The following RPH3AL variants were observed in gnomAD, a reference collection of about 807,000 sequenced individuals.
The protein encoded by RPH3AL is rab effector Noc2.
A neutral mutation model predicts 43.1 loss-of-function variants in RPH3AL; 38 were observed. The observed-to-expected ratio is 0.88, with a 90% CI of 0.68 to 1.15. RPH3AL has a LOEUF of 1.15. Among genes scored for constraint, RPH3AL ranks in the 50% most tolerant of loss-of-function variants. The pLI, the probability that RPH3AL is intolerant of heterozygous loss-of-function variation, is 0.00. For synonymous variants in RPH3AL, 189 were observed against 176.3 expected, an observed-to-expected ratio of 1.07 and a Z score of -0.57; for missense variants, 462 against 423.2, an observed-to-expected ratio of 1.09 and a Z score of -0.81.
At chr17:231,133 T>C (rs2041222101) in intron 7 of RPH3AL, among the ~76,000 whole-genome samples, 1 of 152,230 alleles carries the variant, frequency 6.6e-6, no homozygotes, top group African/African-American at 2.4e-5. Context: ...CTCTCCAGGA[T>C]CTGCCTCTCT....
At chr17:267,803 C>G (rs1438838184) in intron 6 of RPH3AL, among the ~76,000 whole-genome samples, 1 of 150,146 alleles carries the variant, frequency 6.7e-6, no homozygotes, top group Non-Finnish European at 1.5e-5. Context: ...ACAGGTCTCT[C>G]CAAATCACTG....
intron 7 of RPH3AL, among the ~76,000 whole-genome samples, chr17:234,936 T>G (rs2041327405): frequency 6.6e-6 from 1 of 152,128 alleles, no homozygotes; most frequent in Non-Finnish European, 1.5e-5. Flanking sequence ...CATTTTACAA[T>G]CCACAACTGC....
At chr17:214,436 T>C (rs1473502503) in intron 9 of RPH3AL, among the ~76,000 whole-genome samples, 1 of 152,180 alleles carries the variant, frequency 6.6e-6, no homozygotes, top group Non-Finnish European at 1.5e-5. Context: ...GTGAACCATA[T>C]TGAACTGCCG....
chr17:292,050 G>A (rs2043059151), intron 5 of RPH3AL, among the ~76,000 whole-genome samples: 1 of 152,198 alleles, frequency 6.6e-6, no homozygotes, highest in African/African-American at 2.4e-5. Flanking sequence ...CTGGATTTTT[G>A]CAGGTCAGGA....
intron 5 of RPH3AL, among the ~76,000 whole-genome samples, chr17:299,158 A>G (rs1342515728): frequency 6.6e-6 from 1 of 152,138 alleles, no homozygotes. Flanking sequence ...ACTCGTCCAC[A>G]GTCTGGAACC....
intron 6 of RPH3AL, 61 bp downstream of exon 6, chr17:281,707 C>T: frequency 1.3e-6 from 1 of 794,758 alleles, no homozygotes; most frequent in Non-Finnish European, 2.0e-6. Flanking sequence ...GTCCACCCAT[C>T]CCCATCTGAG....
At chr17:284,761 G>T (rs1047310169) in intron 5 of RPH3AL, among the ~76,000 whole-genome samples, 2 of 152,218 alleles carry the variant, frequency 1.3e-5, no homozygotes, top group African/African-American at 4.8e-5. Context: ...TTAGGCTGCT[G>T]TAACAAAAAT....
chr17:279,534 G>C (rs73278924), intron 6 of RPH3AL, among the ~76,000 whole-genome samples: 2,623 of 152,272 alleles, frequency 0.017, 80 homozygotes, highest in African/African-American at 0.06. Context: ...ATTAAGACAG[G>C]CTGGTGGTAG....
intron 5 of RPH3AL, among the ~76,000 whole-genome samples, chr17:315,197 C>A (rs1435605725): frequency 3.7e-5 from 4 of 108,454 alleles, no homozygotes; most frequent in Non-Finnish European, 5.9e-5. Context: ...TCCCTGTGCT[C>A]CACCTCCATT....
chr17:286,369 C>A (rs757629558), intron 5 of RPH3AL, among the ~76,000 whole-genome samples: 1 of 152,164 alleles, frequency 6.6e-6, no homozygotes, highest in Non-Finnish European at 1.5e-5. Context: ...TACCAACCAA[C>A]GCTGGCGGCA....
rs1289968455 is a variant in RPH3AL at position 274,818 on chromosome 17, T to C, written c.438+6950A>G. 1.3e-5 allele frequency among the ~76,000 whole-genome samples: 2 copies of C among 152,150 alleles called. No individual in the cohort carries two copies. The highest frequency in any genetic ancestry group is 2.9e-5 in the Non-Finnish European group (2 of 68,026). Reference sequence around the variant, plus strand: ...GTGTTTAGTGCAGGTGAATGTGGCATGCTAGGGCTCAGGAACATAATTAGA... The same window carrying C: ...GTGTTTAGTGCAGGTGAATGTGGCACGCTAGGGCTCAGGAACATAATTAGA... On this transcript the variant is annotated intron_variant, in intron 6 of 9. Coordinates refer to ENST00000331302, the MANE Select transcript of RPH3AL (RefSeq NM_006987.4). The surrounding 1 kb of genome is among the most constrained non-coding windows in gnomAD (Gnocchi z 4.7).
chr17:269,087 C>T (rs1319740769), intron 6 of RPH3AL, among the ~76,000 whole-genome samples: 6 of 152,096 alleles, frequency 3.9e-5, no homozygotes, highest in Non-Finnish European at 7.4e-5. Flanking sequence ...ACCGTGTTAG[C>T]CAGGATGGTC....
intron 7 of RPH3AL, among the ~76,000 whole-genome samples, chr17:219,999 G>A (rs1223666298): frequency 6.6e-6 from 1 of 152,182 alleles, no homozygotes; most frequent in Non-Finnish European, 1.5e-5. Flanking sequence ...CTGTTGGCCA[G>A]CCACCTCCAC....
intron 5 of RPH3AL, among the ~76,000 whole-genome samples, chr17:313,898 C>T (rs752582388): frequency 2.6e-5 from 4 of 152,222 alleles, no homozygotes; most frequent in Non-Finnish European, 5.9e-5. Flanking sequence ...CCCCTCCCAC[C>T]TCAATCCTGG....
intron 5 of RPH3AL, among the ~76,000 whole-genome samples, chr17:293,060 C>A (rs2043083529): frequency 6.6e-6 from 1 of 152,226 alleles, no homozygotes; most frequent in Non-Finnish European, 1.5e-5. Context: ...CAGGGCCGAG[C>A]CGCCTCTCTT....
chr17:243,135 T>C (rs2041618828), intron 7 of RPH3AL, among the ~76,000 whole-genome samples: 1 of 141,420 alleles, frequency 7.1e-6, no homozygotes, highest in South Asian at 2.5e-4. Context: ...GCCCCTCCTC[T>C]ACTGATTGCC....
chr17:320,930 T>C (rs1014784054), intron 4 of RPH3AL, among the ~76,000 whole-genome samples: 1 of 152,192 alleles, frequency 6.6e-6, no homozygotes, highest in Non-Finnish European at 1.5e-5. Flanking sequence ...GGCCTCCACC[T>C]GAACCCCTCC....
At chr17:269,411 G>A (rs892585748) in intron 6 of RPH3AL, among the ~76,000 whole-genome samples, 2 of 152,194 alleles carry the variant, frequency 1.3e-5, no homozygotes, top group African/African-American at 2.4e-5. Context: ...TTGCTGGAAC[G>A]CAAGCTCCAG....
chr17:315,334 C>A (rs71369988), intron 5 of RPH3AL, among the ~76,000 whole-genome samples: 3 of 152,130 alleles, frequency 2.0e-5, no homozygotes, highest in African/African-American at 4.8e-5. Flanking sequence ...CCTCCACTGA[C>A]CTGTAGTCCC....
Sources: gnomAD v4.1 joint callset for allele counts (sites outside exome capture counted in the v4.1 genomes callset) on GRCh38, gnomAD v4.1.1 for gene constraint, Gnocchi (gnomAD v3.1) non-coding constraint, MANE v1.5 for transcripts, NCBI Gene and HGNC (gene_info 2026-07-23, HGNC 2026-07-21) for gene names.